SLC35F3: variants seen among roughly 807,000 people sequenced by gnomAD.
SLC35F3 encodes solute carrier family 35 member F3.
A neutral mutation model predicts 49.9 loss-of-function variants in SLC35F3; 25 were observed. The ratio of observed to expected loss-of-function variants is 0.50; its 90% CI spans 0.37 to 0.70. The LOEUF is 0.70. SLC35F3 is among the 30% of genes least tolerant of loss of function. The pLI, the probability that SLC35F3 is intolerant of heterozygous loss-of-function variation, is 0.00. For missense variants in SLC35F3, 525 were observed against 639.8 expected (o/e 0.82, Z 1.94); for synonymous variants, 275 against 265.4 (o/e 1.04, Z -0.35).
intron 2 of SLC35F3, among the ~76,000 whole-genome samples, chr1:234,019,368 G>C (rs1663856548): frequency 8.9e-6 from 1 of 112,414 alleles, no homozygotes; most frequent in Non-Finnish European, 1.6e-5. Flanking sequence ...TGTGTGTAAT[G>C]AGAGAGAGAG....
intron 3 of SLC35F3, among the ~76,000 whole-genome samples, chr1:234,291,162 C>T (rs768962536): frequency 5.9e-5 from 9 of 152,314 alleles, no homozygotes; most frequent in South Asian, 4.1e-4. Flanking sequence ...CACTGACTGA[C>T]GCTAATCACT....
At chr1:234,228,188 C>A (rs1667317060) in intron 2 of SLC35F3, among the ~76,000 whole-genome samples, 1 of 152,176 alleles carries the variant, frequency 6.6e-6, no homozygotes, top group Non-Finnish European at 1.5e-5. Context: ...CAGTGCATTT[C>A]AGATCTCACC....
At chr1:234,059,752 G>A (rs1664513676) in intron 2 of SLC35F3, among the ~76,000 whole-genome samples, 1 of 152,194 alleles carries the variant, frequency 6.6e-6, no homozygotes, top group South Asian at 2.1e-4. Context: ...CTATCTGCAA[G>A]CTGAGGAGCA....
intron 2 of SLC35F3, among the ~76,000 whole-genome samples, chr1:234,118,574 A>G (rs1665527559): frequency 6.6e-6 from 1 of 152,160 alleles, no homozygotes; most frequent in Non-Finnish European, 1.5e-5. Flanking sequence ...AGTGACAGTG[A>G]CCAGATATGG....
Position 234,323,144 on chromosome 1 carries a change from C to G in SLC35F3, c.1374C>G (p.Leu458=). The G allele has an allele frequency of 6.2e-7, 1 of 1,614,134 alleles. No homozygotes were observed. The highest frequency in any genetic ancestry group is 1.1e-5 in the South Asian group (1 of 91,074). Residue 458 remains leucine (L), a synonymous_variant, in exon 8 of 8, where the codon CTC becomes CTG. Transcript: ENST00000366618. This position sits in a 1 kb window ranked among gnomAD's most constrained non-coding sequence, Gnocchi z 4.5. ...DVWLIKLLTR[L]KVRKKEEPAE... ...GGTTGATCAAGCTGCTCACCCGACT[C>G]AAAGTGAGGAAGAAGGAGGAGCCTG...
intron 2 of SLC35F3, among the ~76,000 whole-genome samples, chr1:234,058,257 C>T (rs932371522): frequency 2.7e-5 from 4 of 147,812 alleles, no homozygotes; most frequent in Admixed American, 2.7e-4. Flanking sequence ...GTTAAACCAA[C>T]CTTGTATTCC....
chr1:233,940,784 T>C (rs1052329914), intron 2 of SLC35F3, among the ~76,000 whole-genome samples: 3 of 152,246 alleles, frequency 2.0e-5, no homozygotes, highest in Admixed American at 1.3e-4. Flanking sequence ...ACTAGCCTTA[T>C]GCATTCCTTG....
chr1:234,299,577 G>T (rs547281365), intron 3 of SLC35F3, among the ~76,000 whole-genome samples: 1 of 151,990 alleles, frequency 6.6e-6, no homozygotes, highest in Non-Finnish European at 1.5e-5. Flanking sequence ...AGGCCAAGAC[G>T]GGCAGATCAT....
chr1:234,214,583 C>T lies in SLC35F3; in HGVS notation c.284-16834C>T, dbSNP rs763372847. 32 of 1,532,606 alleles carry T rather than the reference C, an allele frequency of 2.1e-5. No individual in the cohort carries two copies. The highest frequency in any genetic ancestry group is 2.6e-5 in the Non-Finnish European group (30 of 1,140,816). The allele number at this position is 1,532,606 out of a possible 1,614,324, so 94.9% of individuals were successfully genotyped here. On this transcript the variant is annotated intron_variant, in intron 2 of 7. Transcript: ENST00000366618. This position sits in a 1 kb window ranked among gnomAD's most constrained non-coding sequence, Gnocchi z 8.0. ...CCTTACCAAAGTGGAAGGTAATGCG[C>T]GGCCGCCTCGCCCCGGGGGTCCCTG...
At chr1:234,090,102 A>G (rs1665019293) in intron 2 of SLC35F3, among the ~76,000 whole-genome samples, 1 of 152,270 alleles carries the variant, frequency 6.6e-6, no homozygotes, top group Non-Finnish European at 1.5e-5. Flanking sequence ...CAATTTGGCA[A>G]TGTGCTGTCA....
intron 2 of SLC35F3, among the ~76,000 whole-genome samples, chr1:234,131,385 T>C (rs12401568): frequency 0.12 from 17,571 of 152,236 alleles, 2,575 homozygotes; most frequent in East Asian, 0.78. Context: ...AGGAAGGCTG[T>C]GGCCCTACCC....
At chr1:234,287,105 A>G (rs1234446641) in intron 3 of SLC35F3, among the ~76,000 whole-genome samples, 1 of 152,192 alleles carries the variant, frequency 6.6e-6, no homozygotes, top group East Asian at 1.9e-4. Flanking sequence ...AGGCTGCGGT[A>G]GGAAGATCAC....
intron 2 of SLC35F3, among the ~76,000 whole-genome samples, chr1:234,022,175 C>A (rs1214119408): frequency 6.6e-6 from 1 of 152,152 alleles, no homozygotes; most frequent in African/African-American, 2.4e-5. Flanking sequence ...TTCCCCTGAA[C>A]CGTTGAGTTG....
intron 2 of SLC35F3, among the ~76,000 whole-genome samples, chr1:233,926,324 A>G (rs1011615630): frequency 1.6e-4 from 25 of 151,986 alleles, no homozygotes; most frequent in African/African-American, 5.8e-4. Flanking sequence ...TGGCGGCTTT[A>G]TTCGTTTCTT....
chr1:234,118,523 A>G (rs994706698), intron 2 of SLC35F3, among the ~76,000 whole-genome samples: 1 of 152,168 alleles, frequency 6.6e-6, no homozygotes, highest in Non-Finnish European at 1.5e-5. Flanking sequence ...TGTAGAAGAA[A>G]GAGGAGGAGA....
intron 2 of SLC35F3, among the ~76,000 whole-genome samples, chr1:233,956,847 C>T (rs915709214): frequency 6.6e-6 from 1 of 152,220 alleles, no homozygotes; most frequent in African/African-American, 2.4e-5. Context: ...AAACTCCTTT[C>T]CCATTCATGG....
chr1:233,989,256 C>A (rs4920202), intron 2 of SLC35F3, among the ~76,000 whole-genome samples: 36,558 of 152,054 alleles, frequency 0.24, 4,829 homozygotes, highest in East Asian at 0.49. Flanking sequence ...AGTTTCATTA[C>A]AACAATACTA....
At chr1:234,273,810 C>A (rs1160422139) in intron 3 of SLC35F3, among the ~76,000 whole-genome samples, 1 of 152,130 alleles carries the variant, frequency 6.6e-6, no homozygotes, top group African/African-American at 2.4e-5. Flanking sequence ...GGGAGGAATA[C>A]ACACAGTCTG....
At chr1:234,050,597 C>G (rs1664361768) in intron 2 of SLC35F3, among the ~76,000 whole-genome samples, 2 of 152,196 alleles carry the variant, frequency 1.3e-5, no homozygotes, top group Non-Finnish European at 2.9e-5. Context: ...TGCCTGTTCA[C>G]TCTGATGGTA....
Sources: gnomAD v4.1 joint callset for allele counts (sites outside exome capture counted in the v4.1 genomes callset) on GRCh38, gnomAD v4.1.1 for gene constraint, Gnocchi (gnomAD v3.1) non-coding constraint, MANE v1.5 for transcripts, NCBI Gene and HGNC (gene_info 2026-07-23, HGNC 2026-07-21) for gene names.